Variants in ATRNL1 observed in about 807,000 individuals in gnomAD.
The protein encoded by ATRNL1 is attractin-like protein 1.
Under a neutral mutation model 182.7 loss-of-function variants are expected in ATRNL1, and 95 were observed. The ratio of observed to expected loss-of-function variants is 0.52; its 90% CI spans 0.44 to 0.62. The LOEUF (loss-of-function observed/expected upper bound fraction) is 0.62, where lower values mean the gene tolerates loss of function less well. Ranked by LOEUF, ATRNL1 falls within the 20% of genes least tolerant of loss-of-function variation. The pLI, the probability that ATRNL1 is intolerant of heterozygous loss-of-function variation, is 0.00. For synonymous variants in ATRNL1, 576 were observed against 568.3 expected, an observed-to-expected ratio of 1.01 and a Z score of -0.19; for missense variants, 1,471 against 1,679.5, an observed-to-expected ratio of 0.88 and a Z score of 2.17.
intron 26 of ATRNL1, among the ~76,000 whole-genome samples, chr10:115,674,794 C>T (rs1044616943): frequency 6.6e-6 from 1 of 152,068 alleles, no homozygotes; most frequent in Non-Finnish European, 1.5e-5. Context: ...AAAAAATGGA[C>T]TGTATTTCTA....
chr10:115,215,640 T>C, intron 8 of ATRNL1, 57 bp from the exon 9 acceptor site: 1 of 1,302,590 alleles, frequency 7.7e-7, no homozygotes, highest in Non-Finnish European at 1.0e-6. Flanking sequence ...TGGTGATATA[T>C]TAGTTATATT....
chr10:115,240,844 T>G (rs1301980397), intron 9 of ATRNL1, among the ~76,000 whole-genome samples: 2 of 152,058 alleles, frequency 1.3e-5, no homozygotes, highest in East Asian at 3.8e-4. Flanking sequence ...TATATTAATT[T>G]TAATGTTTCA....
intron 24 of ATRNL1, among the ~76,000 whole-genome samples, chr10:115,500,098 A>G (rs1392482080): frequency 6.6e-6 from 1 of 152,108 alleles, no homozygotes; most frequent in African/African-American, 2.4e-5. Context: ...ACCACAAACA[A>G]AGGAACAATC....
intron 25 of ATRNL1, among the ~76,000 whole-genome samples, chr10:115,539,271 A>ACC: frequency 6.6e-6 from 1 of 151,788 alleles, no homozygotes; most frequent in South Asian, 2.1e-4. Flanking sequence ...TATAAAGGAA[A>ACC]AACCTTTCCA....
intron 28 of ATRNL1, among the ~76,000 whole-genome samples, chr10:115,882,425 C>T (rs1951846550): frequency 6.6e-6 from 1 of 152,208 alleles, no homozygotes; most frequent in Non-Finnish European, 1.5e-5. Flanking sequence ...ACTTCCTAGT[C>T]ACACTGAGTT....
At chr10:115,874,889 G>A (rs1279819756) in intron 28 of ATRNL1, among the ~76,000 whole-genome samples, 3 of 152,200 alleles carry the variant, frequency 2.0e-5, no homozygotes, top group Non-Finnish European at 4.4e-5. Context: ...AACCATTTTG[G>A]ATTTCTGAGC....
At chr10:115,390,829 T>C (rs1364357536) in intron 19 of ATRNL1, among the ~76,000 whole-genome samples, 1 of 152,202 alleles carries the variant, frequency 6.6e-6, no homozygotes, top group Non-Finnish European at 1.5e-5. Flanking sequence ...GCTATTTCTT[T>C]CCTTAATGTT....
intron 10 of ATRNL1, among the ~76,000 whole-genome samples, chr10:115,243,460 C>T (rs192622151): frequency 1.8e-4 from 27 of 151,986 alleles, no homozygotes; most frequent in Admixed American, 5.2e-4. Context: ...TTTAACCTAC[C>T]TTGTAGCATG....
At chr10:115,178,694 C>G (rs79094671) in intron 8 of ATRNL1, among the ~76,000 whole-genome samples, 179 of 152,198 alleles carry the variant, frequency 1.2e-3, no homozygotes, top group African/African-American at 4.1e-3. Context: ...CTGGAGGGAG[C>G]TAGCTGGGTC....
intron 27 of ATRNL1, among the ~76,000 whole-genome samples, chr10:115,828,912 C>G (rs1279468761): frequency 1.3e-5 from 2 of 152,176 alleles, no homozygotes; most frequent in African/African-American, 4.8e-5. Context: ...CCATTATTAG[C>G]CCTCTCCAAA....
chr10:115,151,021 T>G (rs1189270597), intron 5 of ATRNL1, among the ~76,000 whole-genome samples: 7 of 152,246 alleles, frequency 4.6e-5, no homozygotes, highest in Admixed American at 3.3e-4. Flanking sequence ...GGTTTCCAGC[T>G]TCATCCATGT....
At chr10:115,245,305 C>G (rs954248972) in intron 10 of ATRNL1, among the ~76,000 whole-genome samples, 1 of 151,780 alleles carries the variant, frequency 6.6e-6, no homozygotes, top group Non-Finnish European at 1.5e-5. Context: ...TTGAGACCAG[C>G]CTGACCAACA....
At chr10:115,330,471 GT>G (rs1350788375) in intron 18 of ATRNL1, among the ~76,000 whole-genome samples, 1 of 151,816 alleles carries the variant, frequency 6.6e-6, no homozygotes, top group Admixed American at 6.6e-5. Flanking sequence ...TGTAGTTCTG[GT>G]TGCAAGGGTT....
At chr10:115,099,472 A>G (rs1315577577) in intron 1 of ATRNL1, among the ~76,000 whole-genome samples, 3 of 152,156 alleles carry the variant, frequency 2.0e-5, no homozygotes, top group African/African-American at 7.2e-5. Context: ...GCTGGATCAT[A>G]TGGGTAGATA....
At chr10:115,314,498 G>T (rs145974916) in intron 17 of ATRNL1, among the ~76,000 whole-genome samples, 194 of 152,188 alleles carry the variant, frequency 1.3e-3, no homozygotes, top group African/African-American at 4.4e-3. Context: ...TTCTTCCATT[G>T]TTTTTTCTTT....
intron 26 of ATRNL1, among the ~76,000 whole-genome samples, chr10:115,659,474 T>A (rs187273244): frequency 2.4e-4 from 36 of 152,236 alleles, no homozygotes; most frequent in African/African-American, 8.4e-4. Flanking sequence ...GGCAGTCTCC[T>A]GGGCCCACAA....
intron 9 of ATRNL1, among the ~76,000 whole-genome samples, chr10:115,228,039 C>T (rs1379526290): frequency 1.3e-5 from 2 of 151,846 alleles, no homozygotes; most frequent in East Asian, 3.9e-4. Flanking sequence ...ATACTTTTGG[C>T]ATATATATTA....
At chr10:115,556,774 T>A (rs1468153293) in intron 26 of ATRNL1, among the ~76,000 whole-genome samples, 2 of 151,336 alleles carry the variant, frequency 1.3e-5, no homozygotes, top group Non-Finnish European at 2.9e-5. Context: ...TAACAACAAC[T>A]CCTGTATATC....
At position 115,302,050 on chromosome 10, in the gene ATRNL1, A is replaced by G. The variant is rs1853497444; in HGVS notation, c.2818+7A>G. On this transcript the variant is annotated splice_region_variant and intron_variant, in intron 17 of 28. Transcript: ENST00000355044. ...CAAACTGCCACCTGCTCCCGTAAGT[A>G]TTTATCTAGAGTGACTTTTCACTTG... 3.1e-6 allele frequency: 5 copies of G among 1,601,906 alleles called. No individual in the cohort carries two copies. Among genetic ancestry groups the G allele is most frequent in the East Asian group, 4.5e-5 (2 of 44,660 alleles).
Sources: allele counts gnomAD v4.1 joint callset (sites outside exome capture counted in the v4.1 genomes callset), GRCh38; gene constraint gnomAD v4.1.1; transcripts MANE v1.5; gene names NCBI Gene and HGNC (gene_info 2026-07-23, HGNC 2026-07-21).